The following ZC3H4 variants were observed in gnomAD, a reference collection of about 807,000 sequenced individuals.
ZC3H4 encodes the protein zinc finger CCCH-type containing 4, also known as zinc finger CCCH domain-containing protein 4.
In ZC3H4, 13 loss-of-function variants were observed where a neutral mutation model predicts 108.3. The observed-to-expected ratio is 0.12, with a 90% CI of 0.08 to 0.19. The LOEUF (loss-of-function observed/expected upper bound fraction) is 0.19, where lower values mean the gene tolerates loss of function less well. ZC3H4 is among the 10% of genes least tolerant of loss of function. ZC3H4 has a pLI of 1.00. For missense variants in ZC3H4, 1,734 were observed against 1,838.8 expected, an observed-to-expected ratio of 0.94 and a Z score of 1.04; for synonymous variants, 917 against 749.6, an observed-to-expected ratio of 1.22 and a Z score of -3.65.
chr19:47,093,534 G>C (rs959626652), intron 4 of ZC3H4, among the ~76,000 whole-genome samples: 1 of 152,200 alleles, frequency 6.6e-6, no homozygotes, highest in African/African-American at 2.4e-5. Context: ...AGGTCAGCTA[G>C]GGCCTGGGTT....
chr19:47,092,915 G>A (rs949788709), intron 4 of ZC3H4, among the ~76,000 whole-genome samples: 15 of 151,024 alleles, frequency 9.9e-5, no homozygotes, highest in Non-Finnish European at 7.4e-5. Flanking sequence ...ACTGGGTAAA[G>A]TAATCATAAG....
chr19:47,112,822 C>T (rs927900602), intron 1 of ZC3H4, among the ~76,000 whole-genome samples: 5 of 152,160 alleles, frequency 3.3e-5, no homozygotes, highest in South Asian at 2.1e-4. Flanking sequence ...TGGCGCGGGG[C>T]CCTCATAGGG....
chr19:47,084,815 G>T (rs1337818084), intron 8 of ZC3H4, among the ~76,000 whole-genome samples: 1 of 152,334 alleles, frequency 6.6e-6, no homozygotes, highest in Middle Eastern at 3.4e-3. Context: ...GAACCTCAGA[G>T]ATGTGTTAGG....
chr19:47,066,969 G>A lies in ZC3H4; in HGVS notation c.3299C>T (p.Ala1100Val), dbSNP rs1230881093. Residue 1100 changes from alanine to valine, a missense_variant, in exon 15 of 15, where the codon GCT (alanine) becomes GTT (valine). By Grantham distance (64) the Ala-to-Val change is moderately conservative. This residue lies in a region of ZC3H4 where 518 missense variants were observed against 499.6 expected (regional missense o/e 1.04). Transcript: ENST00000253048. ...GCTGGCGGTGGGAGAGGGCGCCTCA[G>A]CAGGGCCGGGCTTGGCAGCCCGGGA... ...ASSRAAKPGP[A>V]EAPSPTASPS... 4 of 1,590,352 alleles carry A rather than the reference G, an allele frequency of 2.5e-6. No individual in the cohort carries two copies. The highest frequency in any genetic ancestry group is 3.4e-6 in the Non-Finnish European group (4 of 1,168,748).
In ZC3H4 at chr19:47,095,679, G is replaced by T. The variant is rs186171773; in HGVS notation, c.162-1071C>A. ...AGGAAGAAATTGGGTTCAGGAGGGG[G>T]AGGCTGGAAAAAGAATCCAGTTTTT... is the stretch of plus-strand genomic sequence containing the variant. On this transcript the variant is annotated intron_variant, in intron 2 of 14. Transcript: ENST00000253048. Among the ~76,000 whole-genome samples, 808 of 152,294 alleles carry T rather than the reference G, an allele frequency of 5.3e-3. 3 individuals carry two copies. Among genetic ancestry groups the T allele is most frequent in the Non-Finnish European group, 8.4e-3 (568 of 68,016 alleles).
At chr19:47,099,970 A>G (rs903529632) in intron 2 of ZC3H4, among the ~76,000 whole-genome samples, 1 of 152,172 alleles carries the variant, frequency 6.6e-6, no homozygotes. Context: ...TTAACTGCCC[A>G]GACTCTCAAC....
Position 47,082,441 on chromosome 19 carries a change from G to C in ZC3H4, c.1219-146C>G, listed in dbSNP as rs7251104. On this transcript the variant is annotated intron_variant, in intron 9 of 14. Transcript: ENST00000253048. ...TCCCCCTTAGGAAAGGAAGACAGGT[G>C]TAGGAAGGGCAGGTCCCAAAGGCTG... is the stretch of plus-strand genomic sequence containing the variant. The C allele has an allele frequency of 0.6, 386,999 of 642,856 alleles. 124,386 individuals are homozygous for C. The highest frequency in any genetic ancestry group is 0.7 in the Non-Finnish European group (248,350 of 353,516). The allele number at this position is 642,856 out of a possible 1,614,324, so 39.8% of individuals were successfully genotyped here. A position where few individuals can be genotyped will look rare whatever the true frequency, so the allele number is the denominator to read the frequency against.
At chr19:47,099,629 A>C (rs2057875101) in intron 2 of ZC3H4, among the ~76,000 whole-genome samples, 2 of 151,936 alleles carry the variant, frequency 1.3e-5, no homozygotes, top group Non-Finnish European at 2.9e-5. Context: ...CCTCAGCTCT[A>C]ATCTAGGCAG....
At chr19:47,112,847 C>A (rs1405555214) in intron 1 of ZC3H4, among the ~76,000 whole-genome samples, 2 of 152,082 alleles carry the variant, frequency 1.3e-5, no homozygotes, top group East Asian at 1.9e-4. Context: ...GAGCCCCCCC[C>A]CCACGCACCC....
At chr19:47,068,511 G>C (rs886530143) in intron 14 of ZC3H4, among the ~76,000 whole-genome samples, 1 of 152,190 alleles carries the variant, frequency 6.6e-6, no homozygotes, top group African/African-American at 2.4e-5. Context: ...GCAAAACCTA[G>C]GCCAGTACAG....
At chr19:47,090,287 C>A in intron 4 of ZC3H4, 98 bp from the exon 5 acceptor site, 1 of 1,308,982 alleles carries the variant, frequency 7.6e-7, no homozygotes, top group Non-Finnish European at 1.1e-6. Context: ...ACATGTCTGT[C>A]TGGGTGTCAC....
chr19:47,064,712 A>ATGAT lies in ZC3H4; in HGVS notation c.*1640_*1643dup, dbSNP rs2057171517. 1 of 134,202 alleles carries ATGAT rather than the reference A, an allele frequency of 7.5e-6. No homozygotes were observed. Among genetic ancestry groups the ATGAT allele is most frequent in the East Asian group, 2.1e-4 (1 of 4,722 alleles). The allele number at this position is 134,202 out of a possible 1,614,324, so 8.3% of individuals were successfully genotyped here. A position where few individuals can be genotyped will look rare whatever the true frequency, so the allele number is the denominator to read the frequency against. On this transcript the variant is annotated 3_prime_UTR_variant, in exon 15 of 15. Transcript: ENST00000253048. Reference sequence around the variant, plus strand: ...TGGTGGCTGAAGACAAATCTCATTAATGATTGTGTAAAAAAAAAAAAAAAA... The same window carrying ATGAT: ...TGGTGGCTGAAGACAAATCTCATTAATGATTGATTGTGTAAAAAAAAAAAAAAAA...
chr19:47,089,628 T>G (rs1363022002), intron 5 of ZC3H4, among the ~76,000 whole-genome samples: 2 of 152,212 alleles, frequency 1.3e-5, no homozygotes, highest in East Asian at 1.9e-4. Context: ...GCTGGGAGAA[T>G]GGGGGAGCAC....
At position 47,067,455 on chromosome 19, in the gene ZC3H4, T is replaced by C. The variant is rs542338724; in HGVS notation, c.2813A>G (p.Asn938Ser). The change falls in exon 15 of 15, where the codon AAC becomes AGC. Residue 938 changes from asparagine to serine, a missense_variant. Around this residue, in one of 9 missense-constraint regions of ZC3H4, gnomAD observed 540 missense variants for 484.1 expected, o/e 1.12. Coordinates refer to ENST00000253048, the MANE Select transcript of ZC3H4 (RefSeq NM_015168.2). The surrounding 1 kb of genome is among the most constrained non-coding windows in gnomAD (Gnocchi z 6.4). ...GERALREKAV[N>S]IPLDPLPGHP... is the part of the protein sequence containing the mutation. ...CCCGGGGAGTGGGTCCAGGGGAATG[T>C]TCACGGCCTTCTCCCGCAGGGCCCG... 18 of 1,589,926 alleles carry C rather than the reference T, an allele frequency of 1.1e-5. No homozygotes were observed. The South Asian group carries it at 1.9e-4, about 17-fold the overall frequency.
chr19:47,094,356 G>A (rs771925924), intron 3 of ZC3H4, 33 bp downstream of exon 3: 37 of 1,610,200 alleles, frequency 2.3e-5, no homozygotes, highest in Non-Finnish European at 3.0e-5. Context: ...CCCAATGCCA[G>A]GCAGTGGCAG....
chr19:47,094,714 A>C, intron 2 of ZC3H4, 106 bp from the exon 3 acceptor site: 1 of 1,133,490 alleles, frequency 8.8e-7, no homozygotes, highest in East Asian at 2.4e-5. Flanking sequence ...GACTGCTGTG[A>C]GCGAAGTGAG....
chr19:47,087,431 T>C (rs2057650782), intron 5 of ZC3H4, among the ~76,000 whole-genome samples: 1 of 117,876 alleles, frequency 8.5e-6, no homozygotes, highest in African/African-American at 2.6e-5. Flanking sequence ...CACTTTTTTC[T>C]TCACTTAAAA....
intron 11 of ZC3H4, among the ~76,000 whole-genome samples, chr19:47,078,906 A>G (rs560557424): frequency 1.6e-4 from 25 of 152,028 alleles, no homozygotes; most frequent in African/African-American, 5.8e-4. Flanking sequence ...GGGCGCCTGT[A>G]ATCCCAGCTA....
intron 2 of ZC3H4, chr19:47,110,961 GAAGGAGA>G: frequency 1.0e-6 from 1 of 982,364 alleles, no homozygotes; most frequent in Non-Finnish European, 1.2e-6. Context: ...TATGGTCTGT[GAAGGAGA>G]AAGGGGAAAG....
Sources: gnomAD v4.1 joint callset for allele counts (sites outside exome capture counted in the v4.1 genomes callset) on GRCh38, gnomAD v4.1.1 for gene constraint, gnomAD v4.1.1 regional missense constraint, Gnocchi (gnomAD v3.1) non-coding constraint, MANE v1.5 for transcripts, NCBI Gene and HGNC (gene_info 2026-07-23, HGNC 2026-07-21) for gene names.